The following PALM2AKAP2 variants were observed in gnomAD, a reference collection of about 807,000 sequenced individuals.
PALM2AKAP2 encodes PALM2-AKAP2 fusion protein.
PALM2AKAP2 carries 37 observed loss-of-function variants against 71.5 expected under a neutral mutation model. The observed-to-expected ratio is 0.52, with a 90% confidence interval of 0.40 to 0.68. PALM2AKAP2 has a LOEUF of 0.68. Ranked by LOEUF, PALM2AKAP2 falls within the 30% of genes least tolerant of loss-of-function variation. PALM2AKAP2 has a pLI of 0.00. For synonymous variants in PALM2AKAP2, 468 were observed against 478.8 expected (o/e 0.98, Z 0.29); for missense variants, 1,224 against 1,191.8 (o/e 1.03, Z -0.40).
chr9:110,048,685 T>C, upstream of PALM2AKAP2: 1 of 1,533,180 alleles, frequency 6.5e-7, no homozygotes, highest in Non-Finnish European at 8.7e-7. Context: ...GCCCGGAGGC[T>C]ACCACTCCCT....
At chr9:109,801,577 A>G (rs1033495940) in intron 1 of PALM2AKAP2, among the ~76,000 whole-genome samples, 1 of 152,230 alleles carries the variant, frequency 6.6e-6, no homozygotes, top group Non-Finnish European at 1.5e-5. Context: ...GTGGCCTGTC[A>G]GCATGGAGCA....
At chr9:109,951,779 G>A (rs964708776) in intron 6 of PALM2AKAP2, among the ~76,000 whole-genome samples, 2 of 152,160 alleles carry the variant, frequency 1.3e-5, no homozygotes, top group African/African-American at 4.8e-5. Context: ...GTGCCCCTTG[G>A]TGGGAATCCT....
chr9:110,100,079 A>ATATATATATG (rs897991382), intron 1 of PALM2AKAP2, among the ~76,000 whole-genome samples: 3 of 145,794 alleles, frequency 2.1e-5, no homozygotes, highest in African/African-American at 7.5e-5. Flanking sequence ...ATATATATAT[A>ATATATATATG]TAGAAACATA....
chr9:110,096,134 G>A (rs1007981098), intron 1 of PALM2AKAP2, among the ~76,000 whole-genome samples: 1 of 152,218 alleles, frequency 6.6e-6, no homozygotes, highest in African/African-American at 2.4e-5. Context: ...GAAACTGCAT[G>A]ATTAATGTCA....
intron 1 of PALM2AKAP2, among the ~76,000 whole-genome samples, chr9:109,750,637 C>A (rs1203308604): frequency 6.7e-6 from 1 of 149,622 alleles, no homozygotes; most frequent in Admixed American, 6.7e-5. Context: ...AGGATGTTAG[C>A]CTGTATGAAA....
At chr9:109,705,119 A>G (rs942542445) in intron 1 of PALM2AKAP2, among the ~76,000 whole-genome samples, 2 of 152,218 alleles carry the variant, frequency 1.3e-5, no homozygotes, top group African/African-American at 4.8e-5. Context: ...GGCTCCGTGA[A>G]TGTCATCTGT....
At chr9:109,817,135 C>T (rs775642401) in intron 1 of PALM2AKAP2, among the ~76,000 whole-genome samples, 2 of 152,170 alleles carry the variant, frequency 1.3e-5, no homozygotes. Context: ...TTAATCAATA[C>T]AAGCTATTCT....
chr9:109,670,690 G>T (rs2118488642), intron 1 of PALM2AKAP2, among the ~76,000 whole-genome samples: 1 of 152,204 alleles, frequency 6.6e-6, no homozygotes, highest in Non-Finnish European at 1.5e-5. Flanking sequence ...TTGAGGAATT[G>T]CCACACTGTC....
chr9:109,887,455 T>TATGTATATGTA (rs1249561442), intron 3 of PALM2AKAP2, among the ~76,000 whole-genome samples: 1 of 152,252 alleles, frequency 6.6e-6, no homozygotes, highest in Non-Finnish European at 1.5e-5. Flanking sequence ...TTTTGTTTCC[T>TATGTATATGTA]TCCAAAATAA....
chr9:109,802,471 A>T (rs1293751630), intron 1 of PALM2AKAP2, among the ~76,000 whole-genome samples: 1 of 152,238 alleles, frequency 6.6e-6, no homozygotes, highest in Non-Finnish European at 1.5e-5. Context: ...TTGAAATTAT[A>T]TAGGGGAAAA....
At chr9:110,151,865 A>G (rs1836323427) in intron 2 of PALM2AKAP2, among the ~76,000 whole-genome samples, 1 of 152,244 alleles carries the variant, frequency 6.6e-6, no homozygotes, top group Non-Finnish European at 1.5e-5. Flanking sequence ...AGCCAAGACC[A>G]ATACGGACCT....
chr9:109,964,901 G>T (rs1014893436), intron 6 of PALM2AKAP2, among the ~76,000 whole-genome samples: 1 of 152,180 alleles, frequency 6.6e-6, no homozygotes, highest in African/African-American at 2.4e-5. Flanking sequence ...CTAGATTCAT[G>T]CTGGAAGGGA....
At chr9:109,889,300 T>C (rs1443670773) in intron 3 of PALM2AKAP2, among the ~76,000 whole-genome samples, 1 of 152,246 alleles carries the variant, frequency 6.6e-6, no homozygotes, top group Non-Finnish European at 1.5e-5. Flanking sequence ...AGAGTATGCA[T>C]AACTGACATG....
chr9:109,818,619 A>G (rs545421316), intron 1 of PALM2AKAP2, among the ~76,000 whole-genome samples: 5 of 152,184 alleles, frequency 3.3e-5, no homozygotes, highest in Non-Finnish European at 7.3e-5. Flanking sequence ...CAAAAATGCT[A>G]AGCCATGTAT....
intron 1 of PALM2AKAP2, among the ~76,000 whole-genome samples, chr9:109,746,374 A>T (rs1344149640): frequency 6.6e-6 from 1 of 152,228 alleles, no homozygotes; most frequent in Non-Finnish European, 1.5e-5. Flanking sequence ...TGTCTTTCCC[A>T]TTAATCCTGG....
At chr9:109,715,799 G>T (rs1329351502) in intron 1 of PALM2AKAP2, among the ~76,000 whole-genome samples, 1 of 152,210 alleles carries the variant, frequency 6.6e-6, no homozygotes, top group African/African-American at 2.4e-5. Context: ...TAGAGGTCAT[G>T]CTTAGAATTC....
chr9:110,007,694 C>A (rs904577686), intron 6 of PALM2AKAP2, among the ~76,000 whole-genome samples: 1 of 152,112 alleles, frequency 6.6e-6, no homozygotes, highest in Non-Finnish European at 1.5e-5. Context: ...AAGGAACTTT[C>A]CCTTTCACCC....
At chr9:110,049,664 C>A (rs2132497246) in intron 1 of PALM2AKAP2, among the ~76,000 whole-genome samples, 1 of 152,292 alleles carries the variant, frequency 6.6e-6, no homozygotes, top group Admixed American at 6.5e-5. Context: ...ACTGGGCAAG[C>A]CGTACCTGTA....
intron 1 of PALM2AKAP2, among the ~76,000 whole-genome samples, chr9:109,851,023 A>G (rs1179624864): frequency 1.3e-5 from 2 of 152,050 alleles, no homozygotes; most frequent in Non-Finnish European, 2.9e-5. Context: ...TGAAAATACA[A>G]AAAATTAGCC....
Sources: allele counts gnomAD v4.1 joint callset (sites outside exome capture counted in the v4.1 genomes callset), GRCh38; gene constraint gnomAD v4.1.1; transcripts MANE v1.5; gene names NCBI Gene and HGNC (gene_info 2026-07-23, HGNC 2026-07-21).